Variants in SLCO3A1 observed in about 807,000 individuals in gnomAD.
SLCO3A1 encodes solute carrier organic anion transporter family member 3A1, also known as PGE1 transporter.
In SLCO3A1, 27 loss-of-function variants were observed where a neutral mutation model predicts 63.1. The ratio of observed to expected loss-of-function variants is 0.43; its 90% CI spans 0.32 to 0.59. SLCO3A1 has a LOEUF of 0.59. SLCO3A1 is among the 20% of genes least tolerant of loss of function. SLCO3A1 has a pLI of 0.09. For missense variants in SLCO3A1, 773 were observed against 945.8 expected (o/e 0.82, Z 2.40); for synonymous variants, 473 against 409.9 (o/e 1.15, Z -1.86).
chr15:92,003,612 G>A (rs989221650), intron 2 of SLCO3A1, among the ~76,000 whole-genome samples: 1 of 152,170 alleles, frequency 6.6e-6, no homozygotes, highest in Admixed American at 6.5e-5. Context: ...CAGACTTCAT[G>A]GGAAAGGTCA....
chr15:91,988,105 T>C (rs1359255125), intron 2 of SLCO3A1, among the ~76,000 whole-genome samples: 2 of 152,182 alleles, frequency 1.3e-5, no homozygotes, highest in Non-Finnish European at 2.9e-5. Flanking sequence ...AGATATACTT[T>C]TGAAAAATGG....
intron 2 of SLCO3A1, among the ~76,000 whole-genome samples, chr15:91,945,198 T>A (rs1899761710): frequency 6.6e-6 from 1 of 152,036 alleles, no homozygotes; most frequent in Non-Finnish European, 1.5e-5. Context: ...AAAAATTAGC[T>A]GGGCATGGTG....
chr15:92,084,025 G>A (rs1315157707), intron 2 of SLCO3A1, among the ~76,000 whole-genome samples: 3 of 152,110 alleles, frequency 2.0e-5, no homozygotes, highest in African/African-American at 7.2e-5. Flanking sequence ...CTCTACGCTT[G>A]GTTTATCCTC....
chr15:92,109,751 A>T (rs922197118), intron 4 of SLCO3A1, among the ~76,000 whole-genome samples: 1 of 152,022 alleles, frequency 6.6e-6, no homozygotes, highest in Non-Finnish European at 1.5e-5. Context: ...GAGATGAGTT[A>T]TGATTTCCGG....
At chr15:92,077,264 G>A (rs2047289327) in intron 2 of SLCO3A1, among the ~76,000 whole-genome samples, 2 of 152,116 alleles carry the variant, frequency 1.3e-5, no homozygotes, top group African/African-American at 4.8e-5. Context: ...TATCAGGGAG[G>A]TCCCTGATAT....
At position 92,165,247 on chromosome 15, in the gene SLCO3A1, T is replaced by C. The variant is rs1442446641; in HGVS notation, c.*2112T>C. 1 of 985,280 alleles carries C rather than the reference T, an allele frequency of 1.0e-6. No homozygotes were observed. The highest frequency in any genetic ancestry group is 1.2e-6 in the Non-Finnish European group (1 of 829,934). The allele number at this position is 985,280 out of a possible 1,614,324, so 61.0% of individuals were successfully genotyped here. On this transcript the variant is annotated 3_prime_UTR_variant, in exon 10 of 10. Transcript: ENST00000318445. Reference sequence around the variant, plus strand: ...GCCTTTCAACTGCTTAGTGTTAGTATGTCCTTGCTTATGAAAATGGGGACA... The same window carrying C: ...GCCTTTCAACTGCTTAGTGTTAGTACGTCCTTGCTTATGAAAATGGGGACA...
chr15:91,933,655 A>G (rs1899310517), intron 2 of SLCO3A1, among the ~76,000 whole-genome samples: 1 of 152,230 alleles, frequency 6.6e-6, no homozygotes, highest in Non-Finnish European at 1.5e-5. Context: ...TGTGCTACAC[A>G]CTGTTTTCAG....
chr15:91,972,906 A>AG (rs1162250528), intron 2 of SLCO3A1, among the ~76,000 whole-genome samples: 1 of 152,172 alleles, frequency 6.6e-6, no homozygotes, highest in Non-Finnish European at 1.5e-5. Flanking sequence ...GGATCACCTG[A>AG]GGTCAGGGGT....
chr15:92,045,879 A>T (rs1276278589), intron 2 of SLCO3A1, among the ~76,000 whole-genome samples: 6 of 152,134 alleles, frequency 3.9e-5, no homozygotes, highest in Admixed American at 2.0e-4. Context: ...AGTTGCTAGG[A>T]TATGAGGTTC....
At chr15:91,969,161 G>C (rs1900766844) in intron 2 of SLCO3A1, among the ~76,000 whole-genome samples, 1 of 152,162 alleles carries the variant, frequency 6.6e-6, no homozygotes, top group Admixed American at 6.5e-5. Context: ...GGCACATAAA[G>C]GCAATTAGTA....
intron 2 of SLCO3A1, among the ~76,000 whole-genome samples, chr15:92,065,860 G>A (rs925593519): frequency 6.6e-6 from 1 of 152,180 alleles, no homozygotes; most frequent in African/African-American, 2.4e-5. Flanking sequence ...AAGAAGTTAT[G>A]TGCTGGTCCT....
chr15:92,031,031 G>T (rs988776957), intron 2 of SLCO3A1, among the ~76,000 whole-genome samples: 1 of 146,744 alleles, frequency 6.8e-6, no homozygotes, highest in African/African-American at 2.5e-5. Flanking sequence ...AGGGAGGGAG[G>T]GAGGGAGGGA....
chr15:92,141,527 C>T (rs1369906605), intron 7 of SLCO3A1, among the ~76,000 whole-genome samples: 1 of 152,196 alleles, frequency 6.6e-6, no homozygotes, highest in Non-Finnish European at 1.5e-5. Context: ...TGCTGTCTCA[C>T]ATCCAGCTTT....
chr15:92,085,844 A>G (rs1312717699), intron 2 of SLCO3A1, among the ~76,000 whole-genome samples: 1 of 152,158 alleles, frequency 6.6e-6, no homozygotes, highest in Non-Finnish European at 1.5e-5. Flanking sequence ...TGTTCTTTAT[A>G]GTTTGACTCC....
intron 7 of SLCO3A1, among the ~76,000 whole-genome samples, chr15:92,133,643 T>A (rs2048022756): frequency 6.9e-6 from 1 of 145,454 alleles, no homozygotes; most frequent in South Asian, 2.2e-4. Context: ...AGGGTGCGTG[T>A]GCCTTAGGGG....
intron 2 of SLCO3A1, among the ~76,000 whole-genome samples, chr15:91,988,247 A>G (rs2046080011): frequency 6.6e-6 from 1 of 152,002 alleles, no homozygotes; most frequent in Non-Finnish European, 1.5e-5. Flanking sequence ...TACAAAAAAA[A>G]TAAGCCGGGC....
At chr15:92,109,594 T>G (rs1468425234) in intron 4 of SLCO3A1, among the ~76,000 whole-genome samples, 1 of 152,106 alleles carries the variant, frequency 6.6e-6, no homozygotes, top group Non-Finnish European at 1.5e-5. Context: ...GAGAGGGCAA[T>G]CAAAAGCTGA....
Position 91,948,696 on chromosome 15 carries a change from G to A in SLCO3A1, c.646+32238G>A, listed in dbSNP as rs1407643957. Among the ~76,000 whole-genome samples the A allele has an allele frequency of 2.6e-5, 4 of 152,190 alleles. No individual in the cohort carries two copies. The highest frequency in any genetic ancestry group is 2.1e-4 in the South Asian group (1 of 4,834). On this transcript the variant is annotated intron_variant, in intron 2 of 9. Transcript: ENST00000318445. This position sits in a 1 kb window ranked among gnomAD's most constrained non-coding sequence, Gnocchi z 4.8. ...TTTCCTGCCCTGAGAAGAGAGGGCC[G>A]TCCAAGGAATAGGAGAGCCATGGCA... is the stretch of plus-strand genomic sequence containing the variant.
At chr15:92,018,763 G>C (rs2046469951) in intron 2 of SLCO3A1, among the ~76,000 whole-genome samples, 1 of 152,128 alleles carries the variant, frequency 6.6e-6, no homozygotes, top group African/African-American at 2.4e-5. Context: ...GGGTGGGTTG[G>C]AGTGCAGGGA....
Sources: gnomAD v4.1 joint callset for allele counts (sites outside exome capture counted in the v4.1 genomes callset) on GRCh38, gnomAD v4.1.1 for gene constraint, Gnocchi (gnomAD v3.1) non-coding constraint, MANE v1.5 for transcripts, NCBI Gene and HGNC (gene_info 2026-07-23, HGNC 2026-07-21) for gene names.